SHLD2: variants seen among roughly 807,000 people sequenced by gnomAD.
SHLD2 encodes RINN1-REV7-interacting novel NHEJ regulator 2.
Under a neutral mutation model 73.2 loss-of-function variants are expected in SHLD2, and 30 were observed. The observed-to-expected ratio is 0.41, with a 90% CI of 0.31 to 0.56. The LOEUF (loss-of-function observed/expected upper bound fraction) is 0.56. SHLD2 is among the 20% of genes least tolerant of loss of function. The pLI, the probability that SHLD2 is intolerant of heterozygous loss-of-function variation, is 0.28. For synonymous variants in SHLD2, 285 were observed against 370.1 expected (o/e 0.77, Z 2.64); for missense variants, 745 against 1,055.9 (o/e 0.71, Z 4.08).
At position 87,182,210 on chromosome 10, in the gene SHLD2, GA is replaced by G. The variant is rs548726301; in HGVS notation, c.2399+1911del. Among the ~76,000 whole-genome samples, 8 of 152,250 alleles carry G rather than the reference GA, an allele frequency of 5.3e-5. No individual in the cohort carries two copies. In the South Asian group the frequency reaches 1.7e-3, roughly 32 times the overall value. On this transcript the variant is annotated intron_variant, in intron 8 of 9. Transcript: ENST00000298786. ...AAATCAATCAGCAAACTGAATAAGAGAAAACTCTCATTGATTATTTTTCTAA... is the reference window on the plus strand; with the variant it reads ...AAATCAATCAGCAAACTGAATAAGAGAAACTCTCATTGATTATTTTTCTAA...
intron 2 of SHLD2, among the ~76,000 whole-genome samples, chr10:87,142,516 A>G (rs894353571): frequency 2.6e-5 from 4 of 152,122 alleles, no homozygotes; most frequent in Non-Finnish European, 4.4e-5. Context: ...TGGTGGAAGA[A>G]GGATGGTGAT....
intron 2 of SHLD2, among the ~76,000 whole-genome samples, chr10:87,146,649 T>C (rs1439567266): frequency 1.3e-5 from 2 of 152,002 alleles, no homozygotes; most frequent in South Asian, 4.1e-4. Context: ...CTGTATTTTA[T>C]GTGTGGCCCA....
intron 8 of SHLD2, among the ~76,000 whole-genome samples, chr10:87,183,838 AG>A (rs1848455956): frequency 6.6e-6 from 1 of 152,100 alleles, no homozygotes; most frequent in African/African-American, 2.4e-5. Flanking sequence ...CCTGTCTCTC[AG>A]GCCCTTCTTT....
chr10:87,163,099 A>ATAGG (rs1291255353), intron 4 of SHLD2, among the ~76,000 whole-genome samples: 1 of 152,072 alleles, frequency 6.6e-6, no homozygotes, highest in Non-Finnish European at 1.5e-5. Flanking sequence ...CTACATTCAC[A>ATAGG]TAGTGGAACA....
intron 2 of SHLD2, among the ~76,000 whole-genome samples, chr10:87,124,091 T>C (rs1436495350): frequency 1.3e-5 from 2 of 152,014 alleles, no homozygotes; most frequent in Non-Finnish European, 2.9e-5. Flanking sequence ...TTATAATGTC[T>C]GAAATAATGC....
At chr10:87,129,248 C>T (rs1344998507) in intron 2 of SHLD2, among the ~76,000 whole-genome samples, 4 of 152,130 alleles carry the variant, frequency 2.6e-5, no homozygotes, top group Admixed American at 1.3e-4. Flanking sequence ...ACCACCACGA[C>T]TGGCTAATTT....
intron 8 of SHLD2, among the ~76,000 whole-genome samples, chr10:87,186,326 A>G (rs1342314242): frequency 6.6e-6 from 1 of 152,204 alleles, no homozygotes; most frequent in East Asian, 1.9e-4. Context: ...TTTATTTTTT[A>G]AAAATCAATG....
intron 2 of SHLD2, among the ~76,000 whole-genome samples, chr10:87,122,704 G>T (rs1367956029): frequency 2.0e-5 from 3 of 152,156 alleles, no homozygotes; most frequent in Non-Finnish European, 4.4e-5. Flanking sequence ...TATAGTAAAA[G>T]ATTTCATTTT....
intron 3 of SHLD2, among the ~76,000 whole-genome samples, chr10:87,156,157 C>G (rs1324823849): frequency 2.6e-5 from 4 of 151,038 alleles, no homozygotes; most frequent in Non-Finnish European, 5.9e-5. Flanking sequence ...ACCTCTGCCT[C>G]CTGGGTTCAA....
At chr10:87,156,284 C>T (rs1846423835) in intron 3 of SHLD2, among the ~76,000 whole-genome samples, 1 of 152,092 alleles carries the variant, frequency 6.6e-6, no homozygotes, top group Non-Finnish European at 1.5e-5. Flanking sequence ...CCGGGCTGGT[C>T]TCGAACTCCT....
rs1242446808 is a variant in SHLD2, at chr10:87,119,694, C to T, written c.-6+22705C>T. Reference sequence around the variant, plus strand: ...TCGGAAGGCTGAGGCAGGAGAATCACTTGAACCCGGGAGGCGGAGGTTGCA... The same window carrying T: ...TCGGAAGGCTGAGGCAGGAGAATCATTTGAACCCGGGAGGCGGAGGTTGCA... On this transcript the variant is annotated intron_variant, in intron 2 of 9. Coordinates refer to ENST00000298786, the MANE Select transcript of SHLD2 (RefSeq NM_001330112.2). Among the ~76,000 whole-genome samples, 5 of 151,848 alleles carry T rather than the reference C, an allele frequency of 3.3e-5. No homozygotes were observed. The East Asian group carries it at 5.8e-4, about 18-fold the overall frequency.
intron 2 of SHLD2, among the ~76,000 whole-genome samples, chr10:87,139,393 T>C (rs1007863091): frequency 5.9e-5 from 9 of 151,410 alleles, no homozygotes; most frequent in African/African-American, 2.2e-4. Context: ...AATAATATAT[T>C]AATGAAAGAT....
chr10:87,099,819 C>A (rs529025629), intron 2 of SHLD2, among the ~76,000 whole-genome samples: 260 of 152,312 alleles, frequency 1.7e-3, no homozygotes, highest in Middle Eastern at 3.4e-3. Context: ...TTATTATAAT[C>A]ATCCTAGTGG....
At chr10:87,137,120 C>T (rs1299890866) in intron 2 of SHLD2, among the ~76,000 whole-genome samples, 3 of 151,662 alleles carry the variant, frequency 2.0e-5, no homozygotes, top group Non-Finnish European at 4.4e-5. Context: ...AAAATGTGAC[C>T]AAAGGTCAAG....
In SHLD2 at chr10:87,190,595, A is replaced by G. The variant is rs1288003879; in HGVS notation, c.2627A>G (p.Asp876Gly). The change falls in exon 10 of 10, where the codon GAT becomes GGT. Residue 876 changes from aspartate to glycine, a missense_variant. Around this residue, in one of 5 missense-constraint regions of SHLD2, gnomAD observed 418 missense variants for 567.8 expected, o/e 0.74. Coordinates refer to ENST00000298786, the MANE Select transcript of SHLD2 (RefSeq NM_001330112.2). ...VLKIQSLFVL[D>G]ENSYPLQQDF... ...AAGATTCAGAGCCTTTTTGTGTTAG[A>G]TGAAAACAGCTATCCATTACAACAA... is the stretch of plus-strand genomic sequence containing the variant. The G allele has an allele frequency of 3.7e-6, 6 of 1,611,932 alleles. No homozygotes were observed. In the South Asian group the frequency reaches 5.5e-5, roughly 15 times the overall value.
At chr10:87,136,737 TAC>T (rs924660680) in intron 2 of SHLD2, among the ~76,000 whole-genome samples, 31 of 152,172 alleles carry the variant, frequency 2.0e-4, no homozygotes, top group African/African-American at 7.2e-4. Context: ...GCCACCCATT[TAC>T]TTAATCATTC....
At chr10:87,117,514 C>A (rs895154968) in intron 2 of SHLD2, among the ~76,000 whole-genome samples, 1 of 152,132 alleles carries the variant, frequency 6.6e-6, no homozygotes, top group African/African-American at 2.4e-5. Flanking sequence ...ACGTTTTAGG[C>A]TGGGCGTGGT....
At chr10:87,153,112 C>T (rs1292098083) in intron 3 of SHLD2, among the ~76,000 whole-genome samples, 2 of 152,174 alleles carry the variant, frequency 1.3e-5, no homozygotes, top group African/African-American at 2.4e-5. Flanking sequence ...CTTCTTTCCA[C>T]TTATCCCCTC....
intron 2 of SHLD2, among the ~76,000 whole-genome samples, chr10:87,107,196 A>G (rs9421584): frequency 0.66 from 100,680 of 151,734 alleles, 33,854 homozygotes; most frequent in East Asian, 0.84. Context: ...GTGGATCACC[A>G]GAGGTCAGAA....
Sources: allele counts gnomAD v4.1 joint callset (sites outside exome capture counted in the v4.1 genomes callset), GRCh38; gene constraint gnomAD v4.1.1; regional missense constraint gnomAD v4.1.1; transcripts MANE v1.5; gene names NCBI Gene and HGNC (gene_info 2026-07-23, HGNC 2026-07-21).